CTBP2: variants seen among roughly 807,000 people sequenced by gnomAD.
CTBP2 encodes C-terminal-binding protein 2.
CTBP2 carries 30 observed loss-of-function variants against 80.3 expected under a neutral mutation model. That is an observed-to-expected ratio of 0.37 (90% confidence interval 0.28 to 0.51). CTBP2 has a LOEUF of 0.51. Among genes scored for constraint, CTBP2 ranks in the 20% least tolerant of loss-of-function variants. CTBP2 has a pLI of 0.93. For synonymous variants in CTBP2, 594 were observed against 587.4 expected (o/e 1.01, Z -0.16); for missense variants, 1,212 against 1,375.3 (o/e 0.88, Z 1.88).
chr10:125,060,221 G>GA (rs1424607291), intron 2 of CTBP2, among the ~76,000 whole-genome samples: 1 of 141,028 alleles, frequency 7.1e-6, no homozygotes, highest in Non-Finnish European at 1.5e-5. Context: ...ATCCTCCACA[G>GA]AAATGCTGCC....
intron 1 of CTBP2, among the ~76,000 whole-genome samples, chr10:125,156,489 A>C (rs113640141): frequency 0.036 from 5,418 of 152,314 alleles, 114 homozygotes; most frequent in Middle Eastern, 0.058. Flanking sequence ...AACTGTTGGC[A>C]AATGGCATTC....
chr10:125,063,637 G>A (rs750975920), intron 2 of CTBP2, among the ~76,000 whole-genome samples: 11 of 152,186 alleles, frequency 7.2e-5, no homozygotes, highest in Admixed American at 4.6e-4. Flanking sequence ...GAAGCTGTAC[G>A]ATTTATCAGC....
At chr10:125,111,279 T>C (rs1212462176) in intron 1 of CTBP2, among the ~76,000 whole-genome samples, 186 bp from the exon 2 acceptor site, 1 of 152,172 alleles carries the variant, frequency 6.6e-6, no homozygotes, top group Non-Finnish European at 1.5e-5. Context: ...AATTAAACAG[T>C]AGAGCACCAG....
chr10:125,018,357 TCTA>T (rs1307486193), intron 1 of CTBP2, among the ~76,000 whole-genome samples: 2 of 152,092 alleles, frequency 1.3e-5, no homozygotes, highest in Non-Finnish European at 2.9e-5. Context: ...AAATCCCATC[TCTA>T]CTAATACAAA....
At chr10:125,097,761 A>T (rs536274756) in intron 2 of CTBP2, among the ~76,000 whole-genome samples, 35 of 152,180 alleles carry the variant, frequency 2.3e-4, no homozygotes, top group Non-Finnish European at 3.8e-4. Flanking sequence ...TCTCAATGAC[A>T]GGCCCTCTGT....
upstream of CTBP2, among the ~76,000 whole-genome samples, chr10:125,161,411 A>G (rs948781448): frequency 2.4e-4 from 37 of 151,550 alleles, no homozygotes; most frequent in Non-Finnish European, 1.5e-4. Context: ...CACGTGGGGG[A>G]ACGCGAGCCC....
chr10:125,064,294 T>C (rs1043551686), intron 2 of CTBP2, among the ~76,000 whole-genome samples: 9 of 152,222 alleles, frequency 5.9e-5, no homozygotes, highest in Non-Finnish European at 1.2e-4. Flanking sequence ...GATTGATCTT[T>C]TTCTAATCTG....
At chr10:125,134,156 C>T (rs1364692690) in intron 1 of CTBP2, among the ~76,000 whole-genome samples, 1 of 152,112 alleles carries the variant, frequency 6.6e-6, no homozygotes, top group East Asian at 1.9e-4. Context: ...ATTGAGCAGC[C>T]CCAACGACCA....
intron 2 of CTBP2, among the ~76,000 whole-genome samples, chr10:125,072,219 G>C (rs1045868495): frequency 1.1e-4 from 17 of 152,318 alleles, no homozygotes; most frequent in African/African-American, 4.1e-4. Context: ...GGCTGTGGTT[G>C]CAGTGAGCCA....
intron 1 of CTBP2, among the ~76,000 whole-genome samples, chr10:125,116,214 C>T (rs889097497): frequency 6.6e-6 from 1 of 152,176 alleles, no homozygotes; most frequent in Non-Finnish European, 1.5e-5. Context: ...CCACAAGGTC[C>T]CAAGCAAACT....
chr10:125,148,714 C>G (rs1458025870), intron 1 of CTBP2, among the ~76,000 whole-genome samples: 1 of 152,182 alleles, frequency 6.6e-6, no homozygotes, highest in African/African-American at 2.4e-5. Context: ...CTATTTGGAG[C>G]CATGTGGCCA....
At position 125,095,778 on chromosome 10, in the gene CTBP2, GCA is replaced by G. The variant is rs536432956; in HGVS notation, c.-102+15210_-102+15211del. The stretch of plus-strand genomic sequence containing the variant: ...GAGCAGACGCTGAGCTTTGCAGACA[GCA>G]CAGTTTCTGTAGGAAGTAGTAGGTT... On this transcript the variant is annotated intron_variant, in intron 2 of 10. Coordinates refer to the CTBP2 transcript ENST00000337195. Among the ~76,000 whole-genome samples, 181 of 152,346 alleles carry G rather than the reference GCA, an allele frequency of 1.2e-3. 1 individual carries two copies. Among genetic ancestry groups the G allele is most frequent in the African/African-American group, 3.7e-3 (154 of 41,570 alleles).
chr10:125,118,656 C>G (rs1853762795), intron 1 of CTBP2, among the ~76,000 whole-genome samples: 1 of 140,788 alleles, frequency 7.1e-6, no homozygotes, highest in Non-Finnish European at 1.5e-5. Flanking sequence ...CACGACAGTC[C>G]TACTTACAGA....
At chr10:125,017,656 A>G (rs1034166926) in intron 1 of CTBP2, among the ~76,000 whole-genome samples, 2 of 152,220 alleles carry the variant, frequency 1.3e-5, no homozygotes, top group African/African-American at 4.8e-5. Flanking sequence ...TTTGCTCTTC[A>G]CTGGGAGAAT....
At chr10:125,011,970 C>T (rs1407809508) in intron 1 of CTBP2, among the ~76,000 whole-genome samples, 1 of 152,194 alleles carries the variant, frequency 6.6e-6, no homozygotes, top group African/African-American at 2.4e-5. Context: ...GAATTTTTGC[C>T]CTGAGGGAGC....
At chr10:125,122,453 T>C (rs553176683) in intron 1 of CTBP2, among the ~76,000 whole-genome samples, 12 of 152,328 alleles carry the variant, frequency 7.9e-5, no homozygotes, top group African/African-American at 2.6e-4. Context: ...GCCACATAGG[T>C]GCAACAGGCC....
intron 5 of CTBP2, among the ~76,000 whole-genome samples, chr10:124,994,186 A>G (rs907570121): frequency 1.3e-5 from 2 of 152,230 alleles, no homozygotes; most frequent in African/African-American, 4.8e-5. Flanking sequence ...AGAGGAAGCA[A>G]CACGGTGGAA....
intron 2 of CTBP2, among the ~76,000 whole-genome samples, chr10:125,076,080 C>A (rs890620987): frequency 6.6e-6 from 1 of 152,212 alleles, no homozygotes; most frequent in African/African-American, 2.4e-5. Context: ...TGGAACCGTA[C>A]ACAGAAATGA....
intron 1 of CTBP2, chr10:125,005,888 G>A: frequency 1.3e-6 from 2 of 1,530,788 alleles, no homozygotes; most frequent in Middle Eastern, 2.0e-4. Context: ...TTATCGGAGA[G>A]AGTGCCTGAT....
Sources: gnomAD v4.1 joint callset for allele counts (sites outside exome capture counted in the v4.1 genomes callset) on GRCh38, gnomAD v4.1.1 for gene constraint, MANE v1.5 for transcripts, NCBI Gene and HGNC (gene_info 2026-07-23, HGNC 2026-07-21) for gene names.